FRMD5: variants seen among roughly 807,000 people sequenced by gnomAD.
The protein encoded by FRMD5 is FERM domain containing 5, also known as FERM domain-containing protein 5.
In FRMD5, 20 loss-of-function variants were observed where a neutral mutation model predicts 69.0. That is an observed-to-expected ratio of 0.29 (90% CI 0.20 to 0.42). The LOEUF is 0.42. FRMD5 is among the 10% of genes least tolerant of loss of function. The probability of loss-of-function intolerance (pLI) is 1.00; values close to 1 mark genes in which losing one functional copy is unlikely to be tolerated. For missense variants in FRMD5, 595 were observed against 708.6 expected, an observed-to-expected ratio of 0.84 and a Z score of 1.82; for synonymous variants, 271 against 260.1, an observed-to-expected ratio of 1.04 and a Z score of -0.40.
intron 1 of FRMD5, among the ~76,000 whole-genome samples, chr15:43,978,698 C>T (rs1020755859): frequency 6.6e-6 from 1 of 152,008 alleles, no homozygotes; most frequent in African/African-American, 2.4e-5. Flanking sequence ...ATTACAGGTA[C>T]CCACCACCAC....
chr15:44,057,760 A>C (rs76348247), intron 1 of FRMD5, among the ~76,000 whole-genome samples: 5,185 of 152,288 alleles, frequency 0.034, 252 homozygotes, highest in African/African-American at 0.11. Context: ...TTAATTAACT[A>C]TTTGATCTTG....
chr15:43,914,726 T>TTTTTTTTTTTTTTTTTTC (rs2089353119), intron 4 of FRMD5, among the ~76,000 whole-genome samples: 1 of 136,880 alleles, frequency 7.3e-6, no homozygotes, highest in African/African-American at 3.2e-5. Flanking sequence ...TGACTACCTT[T>TTTTTTTTTTTTTTTTTTC]TTTTTTTTTT....
intron 1 of FRMD5, among the ~76,000 whole-genome samples, chr15:44,109,540 TC>T: frequency 6.6e-6 from 1 of 152,218 alleles, no homozygotes; most frequent in South Asian, 2.1e-4. Flanking sequence ...AGTACAGAGT[TC>T]CCATATACTC....
chr15:43,998,280 G>C (rs1890031592), intron 1 of FRMD5, among the ~76,000 whole-genome samples: 2 of 152,170 alleles, frequency 1.3e-5, no homozygotes, highest in South Asian at 4.1e-4. Context: ...ACAAGATTTA[G>C]ATATGCTTAT....
chr15:43,885,657 T>C, intron 11 of FRMD5, 24 bp downstream of exon 11: 4 of 1,583,262 alleles, frequency 2.5e-6, no homozygotes, highest in Non-Finnish European at 2.6e-6. Context: ...AGATCCATAA[T>C]GGTTACTTAC....
rs536783244 is a variant in FRMD5, at chr15:43,956,542, C to T, written c.103-32233G>A. 3.8e-4 allele frequency among the ~76,000 whole-genome samples: 58 copies of T among 152,140 alleles called. 1 individual carries two copies. The highest frequency in any genetic ancestry group is 1.3e-3 in the African/African-American group (54 of 41,526). On this transcript the variant is annotated intron_variant, in intron 1 of 13. Coordinates refer to ENST00000417257, the MANE Select transcript of FRMD5 (RefSeq NM_032892.5). Reference sequence around the variant, plus strand: ...AACATCTTAATTAGAAACACCTGCTCAATTAAGAAAAATAGATTGAATGGA... The same window carrying T: ...AACATCTTAATTAGAAACACCTGCTTAATTAAGAAAAATAGATTGAATGGA...
At chr15:44,007,630 T>C (rs556796387) in intron 1 of FRMD5, among the ~76,000 whole-genome samples, 7 of 144,048 alleles carry the variant, frequency 4.9e-5, no homozygotes, top group Admixed American at 2.3e-4. Context: ...TTTTAATTAA[T>C]TAACTAATTT....
At chr15:43,989,823 G>A (rs72716055) in intron 1 of FRMD5, 37,382 of 1,028,616 alleles carry the variant, frequency 0.036, 869 homozygotes, top group Non-Finnish European at 0.046. Flanking sequence ...ACATGATCTG[G>A]GTCATCTTCT....
At chr15:43,911,287 T>G (rs192298866) in intron 4 of FRMD5, among the ~76,000 whole-genome samples, 3 of 152,238 alleles carry the variant, frequency 2.0e-5, no homozygotes, top group African/African-American at 4.8e-5. Flanking sequence ...CTTCTATCAA[T>G]AGAATAAAGC....
intron 1 of FRMD5, among the ~76,000 whole-genome samples, chr15:44,188,703 T>C (rs955654649): frequency 1.3e-5 from 2 of 152,112 alleles, no homozygotes; most frequent in Admixed American, 6.5e-5. Context: ...CAATTTCTAC[T>C]GAAGGAAAAG....
chr15:44,027,657 T>G (rs550647469), intron 1 of FRMD5, among the ~76,000 whole-genome samples: 12 of 105,984 alleles, frequency 1.1e-4, no homozygotes, highest in African/African-American at 3.4e-4. Flanking sequence ...TTTTGTTTTT[T>G]TTTTTTTTTC....
chr15:43,874,163 G>T lies in FRMD5; in HGVS notation c.1435C>A (p.Leu479Met), dbSNP rs777514929. 5 of 1,614,232 alleles carry T rather than the reference G, an allele frequency of 3.1e-6. No individual in the cohort carries two copies. The highest frequency in any genetic ancestry group is 4.2e-6 in the Non-Finnish European group (5 of 1,180,040). The change falls in exon 14 of 14, where the codon CTG becomes ATG. Residue 479 changes from leucine to methionine, a missense_variant. Coordinates refer to ENST00000417257, the MANE Select transcript of FRMD5 (RefSeq NM_032892.5). ...CTGTGCCCCTGACACAGGGCCCTCA[G>T]CTCTCCCCCAAGGGCCTCCACCTCT... Reference protein sequence around the residue: ...ATEVEALGGELRALCQGHSGP... With the variant: ...ATEVEALGGEMRALCQGHSGP...
intron 7 of FRMD5, 53 bp downstream of exon 7, chr15:43,902,122 T>G (rs1304798816): frequency 7.4e-7 from 1 of 1,356,350 alleles, no homozygotes; most frequent in East Asian, 2.3e-5. Flanking sequence ...CTCTTGCTCC[T>G]GATGCCTTCT....
At chr15:43,924,402 T>C in intron 1 of FRMD5, 93 bp from the exon 2 acceptor site, 1 of 833,934 alleles carries the variant, frequency 1.2e-6, no homozygotes, top group Non-Finnish European at 2.0e-6. Flanking sequence ...TTTGTAACTG[T>C]TGCATGTGTC....
chr15:44,047,641 T>C (rs1892486726), intron 1 of FRMD5, among the ~76,000 whole-genome samples: 2 of 152,240 alleles, frequency 1.3e-5, no homozygotes, highest in South Asian at 4.1e-4. Flanking sequence ...TTGATATGTT[T>C]ACAACAATCT....
intron 1 of FRMD5, among the ~76,000 whole-genome samples, chr15:44,171,512 A>G (rs2077803098): frequency 6.6e-6 from 1 of 152,216 alleles, no homozygotes; most frequent in African/African-American, 2.4e-5. Flanking sequence ...AATAATACAC[A>G]CTGAGAATGC....
chr15:44,139,087 G>T (rs1306885344), intron 1 of FRMD5, among the ~76,000 whole-genome samples: 5 of 151,990 alleles, frequency 3.3e-5, no homozygotes, highest in African/African-American at 1.2e-4. Flanking sequence ...AAAATGACTT[G>T]TACACTTTAA....
intron 13 of FRMD5, among the ~76,000 whole-genome samples, chr15:43,882,713 T>A (rs1322882549): frequency 6.6e-6 from 1 of 152,078 alleles, no homozygotes; most frequent in Non-Finnish European, 1.5e-5. Context: ...TAGAAATGCT[T>A]CGGAACCAAG....
intron 1 of FRMD5, among the ~76,000 whole-genome samples, chr15:44,005,856 G>A (rs529838371): frequency 2.0e-5 from 3 of 152,250 alleles, no homozygotes; most frequent in Non-Finnish European, 2.9e-5. Flanking sequence ...TGAGATCTGG[G>A]CAGGGACACA....
Sources: allele counts gnomAD v4.1 joint callset (sites outside exome capture counted in the v4.1 genomes callset), GRCh38; gene constraint gnomAD v4.1.1; transcripts MANE v1.5; gene names NCBI Gene and HGNC (gene_info 2026-07-23, HGNC 2026-07-21).